The following ANK2 variants were observed in gnomAD, a reference collection of about 807,000 sequenced individuals.
The protein encoded by ANK2 is ankyrin-2.
A neutral mutation model predicts 360.5 loss-of-function variants in ANK2; 83 were observed. The observed-to-expected ratio is 0.23, with a 90% CI of 0.19 to 0.28. The LOEUF is 0.28. ANK2 is among the 10% of genes least tolerant of loss of function. The pLI is 1.00. For synonymous variants in ANK2, 1,740 were observed against 1,759.5 expected (o/e 0.99, Z 0.28); for missense variants, 4,201 against 4,795.7 (o/e 0.88, Z 3.66).
At chr4:113,018,787 T>G (rs979360868) in intron 2 of ANK2, among the ~76,000 whole-genome samples, 1 of 152,228 alleles carries the variant, frequency 6.6e-6, no homozygotes, top group Admixed American at 6.5e-5. Context: ...GGTAGTGTCA[T>G]TCTTTCACTT....
the ANK2 span, among the ~76,000 whole-genome samples, chr4:112,799,394 G>A: frequency 6.6e-6 from 1 of 152,066 alleles, no homozygotes; most frequent in Non-Finnish European, 1.5e-5. Flanking sequence ...AGGAACCTCT[G>A]TACTGTTTTC....
chr4:112,936,078 A>G (rs72669686), intron 2 of ANK2, among the ~76,000 whole-genome samples: 3,183 of 152,332 alleles, frequency 0.021, 53 homozygotes, highest in Non-Finnish European at 0.033. Context: ...GCTCAAAATG[A>G]CAGTCTGTCA....
intron 38 of ANK2, among the ~76,000 whole-genome samples, chr4:113,360,506 G>A (rs1390391833): frequency 6.6e-6 from 1 of 152,002 alleles, no homozygotes; most frequent in Non-Finnish European, 1.5e-5. Context: ...GAACAAGATG[G>A]TGGTCTTCTT....
At chr4:113,360,797 G>A (rs2096165769) in intron 38 of ANK2, 26 bp from the exon 39 acceptor site, 1 of 1,606,738 alleles carries the variant, frequency 6.2e-7, no homozygotes, top group East Asian at 2.2e-5. Context: ...ACAACCTTTG[G>A]CCATTCTGTT....
intron 2 of ANK2, among the ~76,000 whole-genome samples, chr4:113,042,544 A>C (rs1353410541): frequency 6.6e-6 from 1 of 152,128 alleles, no homozygotes; most frequent in African/African-American, 2.4e-5. Flanking sequence ...TTCAACATGT[A>C]AATTTTGCAG....
chr4:113,173,790 A>G (rs571868613), intron 1 of ANK2, among the ~76,000 whole-genome samples: 39 of 152,278 alleles, frequency 2.6e-4, no homozygotes, highest in African/African-American at 9.4e-4. Context: ...AAATTTAATC[A>G]TGTTTATCCA....
At chr4:112,950,781 A>G (rs1297323017) in intron 2 of ANK2, among the ~76,000 whole-genome samples, 1 of 151,074 alleles carries the variant, frequency 6.6e-6, no homozygotes, top group East Asian at 2.0e-4. Flanking sequence ...AGTTGAATCA[A>G]ATTTTAAAAT....
intron 14 of ANK2, among the ~76,000 whole-genome samples, chr4:113,269,212 C>T (rs2057497688): frequency 6.6e-6 from 1 of 152,174 alleles, no homozygotes; most frequent in African/African-American, 2.4e-5. Context: ...TTGCTTGGCT[C>T]CCCTGGGGTG....
chr4:113,296,100 G>A (rs2071277980), intron 22 of ANK2, among the ~76,000 whole-genome samples: 1 of 152,148 alleles, frequency 6.6e-6, no homozygotes, highest in African/African-American at 2.4e-5. Context: ...GATTTAGGTT[G>A]TCGGGTTTTA....
intron 26 of ANK2, among the ~76,000 whole-genome samples, chr4:113,319,389 A>C (rs898770447): frequency 6.6e-6 from 1 of 151,206 alleles, no homozygotes; most frequent in Non-Finnish European, 1.5e-5. Flanking sequence ...GTAATATCAT[A>C]ATTATATATA....
intron 1 of ANK2, among the ~76,000 whole-genome samples, chr4:113,087,828 A>T (rs2085620768): frequency 2.6e-5 from 4 of 152,104 alleles, no homozygotes; most frequent in Admixed American, 2.0e-4. Flanking sequence ...ACTTTTCAGG[A>T]GATGTAATGT....
chr4:113,095,844 T>G (rs925298216), intron 1 of ANK2, among the ~76,000 whole-genome samples: 4 of 152,218 alleles, frequency 2.6e-5, no homozygotes, highest in Non-Finnish European at 5.9e-5. Flanking sequence ...AGTAGTTAAC[T>G]GCAGGCTCTC....
intron 17 of ANK2, among the ~76,000 whole-genome samples, chr4:113,281,735 T>C (rs2062458690): frequency 6.6e-6 from 1 of 152,170 alleles, no homozygotes; most frequent in Non-Finnish European, 1.5e-5. Context: ...TTACAGTTGT[T>C]CCACATTTTT....
At chr4:112,778,655 CT>C in the ANK2 span, among the ~76,000 whole-genome samples, 42 of 152,128 alleles carry the variant, frequency 2.8e-4, no homozygotes, top group Admixed American at 1.0e-3. Context: ...TTGCTTACCC[CT>C]TGTAATAATG....
At chr4:112,721,608 G>T in the ANK2 span, among the ~76,000 whole-genome samples, 3 of 142,244 alleles carry the variant, frequency 2.1e-5, no homozygotes, top group Admixed American at 7.2e-5. Context: ...GTCTCTACAC[G>T]CCTGGAAAAG....
chr4:112,870,327 A>G (rs2072474647), intron 1 of ANK2, among the ~76,000 whole-genome samples: 1 of 152,192 alleles, frequency 6.6e-6, no homozygotes, highest in African/African-American at 2.4e-5. Flanking sequence ...ATTATTCTGC[A>G]GTCATCTACA....
chr4:113,228,542 T>C (rs2099252586), intron 4 of ANK2, among the ~76,000 whole-genome samples: 1 of 152,240 alleles, frequency 6.6e-6, no homozygotes, highest in Non-Finnish European at 1.5e-5. Context: ...TGGGTATTAG[T>C]ACATGGTATA....
At chr4:112,746,304 G>GTAT in the ANK2 span, among the ~76,000 whole-genome samples, 64 of 151,974 alleles carry the variant, frequency 4.2e-4, no homozygotes, top group African/African-American at 1.5e-3. Flanking sequence ...CTTTCTTAGT[G>GTAT]CTTACATATG....
intron 26 of ANK2, among the ~76,000 whole-genome samples, chr4:113,329,200 A>C (rs1329364808): frequency 2.0e-5 from 3 of 152,250 alleles, no homozygotes; most frequent in Non-Finnish European, 2.9e-5. Flanking sequence ...TCCTCGACAC[A>C]GTAAGTGCCT....
Sources: gnomAD v4.1 joint callset for allele counts (sites outside exome capture counted in the v4.1 genomes callset) on GRCh38, gnomAD v4.1.1 for gene constraint, MANE v1.5 for transcripts, NCBI Gene and HGNC (gene_info 2026-07-23, HGNC 2026-07-21) for gene names.